The following TJP3 variants were observed in gnomAD, a reference collection of about 807,000 sequenced individuals.
TJP3 encodes tight junction protein ZO-3.
TJP3 carries 85 observed loss-of-function variants against 104.2 expected under a neutral mutation model. The observed-to-expected ratio is 0.82, with a 90% confidence interval of 0.68 to 0.98. TJP3 has a LOEUF of 0.98. TJP3 is among the 50% of genes least tolerant of loss of function. TJP3 has a pLI of 0.00. For missense variants in TJP3, 1,367 were observed against 1,322.8 expected (o/e 1.03, Z -0.52); for synonymous variants, 550 against 550.6 (o/e 1.00, Z 0.02).
rs1312680311 is a variant in TJP3 at position 3,718,211 on chromosome 19, AAGTGTGT to A, written c.-10+9651_-10+9657del. ...CAACTCAAAAAAAAAAAAAAAAAAA[AAGTGTGT>A]GTGTGTGTGTGTGTGTGTGTGTGTG... On this transcript the variant is annotated intron_variant, in intron 1 of 20. Transcript: ENST00000541714. Among the ~76,000 whole-genome samples the A allele has an allele frequency of 4.3e-3, 253 of 59,314 alleles. 1 individual carries two copies. Among genetic ancestry groups the A allele is most frequent in the Middle Eastern group, 0.014 (1 of 72 alleles). The allele number at this position is 59,314 out of a possible 152,430, so 38.9% of individuals were successfully genotyped here.
intron 14 of TJP3, among the ~76,000 whole-genome samples, chr19:3,742,839 G>A (rs1385760014): frequency 2.0e-5 from 3 of 151,408 alleles, no homozygotes; most frequent in South Asian, 2.1e-4. Context: ...GGTGGTGGGC[G>A]CCTCTAATCC....
chr19:3,712,734 A>G (rs2036444300), intron 1 of TJP3, among the ~76,000 whole-genome samples: 1 of 152,064 alleles, frequency 6.6e-6, no homozygotes, highest in Admixed American at 6.6e-5. Context: ...GGATCGCATG[A>G]GCCCAGCAGT....
At chr19:3,726,135 G>A (rs1392116512) in intron 1 of TJP3, among the ~76,000 whole-genome samples, 2 of 152,228 alleles carry the variant, frequency 1.3e-5, no homozygotes, top group African/African-American at 2.4e-5. Context: ...AACCCGCCCC[G>A]GGGAGGAGGA....
In TJP3 at chr19:3,736,229, G is replaced by A. The variant is rs966427175; in HGVS notation, c.1192G>A (p.Gly398Arg). The change falls in exon 11 of 21, where the codon GGG (glycine) becomes AGG (arginine). Residue 398 changes from glycine to arginine, a missense_variant. Coordinates refer to ENST00000541714, the MANE Select transcript of TJP3 (RefSeq NM_001267560.2). ...CAAGAGCATCGGGCTGCGGCTGGCA[G>A]GGGGCAATGACGTGGGCATCTTCGT... ...KGKSIGLRLA[G>R]GNDVGIFVSG... 2 of 1,592,080 alleles carry A rather than the reference G, an allele frequency of 1.3e-6. No individual in the cohort carries two copies. Among genetic ancestry groups the A allele is most frequent in the South Asian group, 2.3e-5 (2 of 88,382 alleles).
chr19:3,746,898 G>GGGGGGT lies in TJP3; in HGVS notation c.2322+22_2322+23insGGGGGT. The GGGGGGT allele has an allele frequency of 6.5e-7, 1 of 1,530,024 alleles. No individual in the cohort carries two copies. 94.8% of individuals were successfully genotyped at this position (1,530,024 alleles called of 1,614,324 possible). A position where few individuals can be genotyped will look rare whatever the true frequency, so the allele number is the denominator to read the frequency against. The stretch of plus-strand genomic sequence containing the variant: ...TCAGGTACTGCCGCGGTGTGGGTGG[G>GGGGGGT]TCGGGCAGGGAGGCCCCACAGACGC... On this transcript the variant is annotated intron_variant, in intron 18 of 20. Coordinates refer to ENST00000541714, the MANE Select transcript of TJP3 (RefSeq NM_001267560.2). The surrounding 1 kb of genome is among the most constrained non-coding windows in gnomAD (Gnocchi z 4.1).
intron 6 of TJP3, among the ~76,000 whole-genome samples, chr19:3,732,540 C>T (rs2036684913): frequency 6.6e-6 from 1 of 150,584 alleles, no homozygotes; most frequent in South Asian, 2.1e-4. Context: ...GACAGAGTCT[C>T]GCTCTGTCAC....
chr19:3,735,517 G>A (rs770230098), intron 8 of TJP3, 49 bp from the exon 9 acceptor site: 2 of 1,588,592 alleles, frequency 1.3e-6, no homozygotes, highest in African/African-American at 1.3e-5. Context: ...TTTTTAAAAT[G>A]GCCCCTTGAA....
chr19:3,720,863 GTTCC>G lies in TJP3; in HGVS notation c.-9-7548_-9-7545del, dbSNP rs1031691214. 1.6e-4 allele frequency among the ~76,000 whole-genome samples: 23 copies of G among 142,650 alleles called. No homozygotes were observed. The Admixed American group carries it at 1.6e-3, about 10-fold the overall frequency. 93.6% of individuals were successfully genotyped at this position (142,650 alleles called of 152,430 possible). A position where few individuals can be genotyped will look rare whatever the true frequency, so the allele number is the denominator to read the frequency against. On this transcript the variant is annotated intron_variant, in intron 1 of 20. Coordinates refer to ENST00000541714, the MANE Select transcript of TJP3 (RefSeq NM_001267560.2). ...GCACTCTGCCCCTTTCTTTTCCTTC[GTTCC>G]TTCCTTCCTTCCCTTCTTTCCTTCC...
At chr19:3,710,356 C>A (rs946196838) in intron 1 of TJP3, among the ~76,000 whole-genome samples, 15 of 152,066 alleles carry the variant, frequency 9.9e-5, no homozygotes, top group Non-Finnish European at 1.6e-4. Flanking sequence ...CCGCTTACCC[C>A]GGGCCGCACA....
At chr19:3,739,711 G>A (rs1031949082) in intron 13 of TJP3, among the ~76,000 whole-genome samples, 1 of 152,098 alleles carries the variant, frequency 6.6e-6, no homozygotes, top group Non-Finnish European at 1.5e-5. Context: ...GGCAGGCCTG[G>A]GCCCTCCCAG....
chr19:3,740,394 C>A (rs1475596887), intron 13 of TJP3, among the ~76,000 whole-genome samples, 158 bp from the exon 14 acceptor site: 2 of 152,038 alleles, frequency 1.3e-5, no homozygotes, highest in Admixed American at 1.3e-4. Context: ...TCTCAAAAAA[C>A]CCAAAATAAT....
chr19:3,750,436 T>C, intron 20 of TJP3, 146 bp from the exon 21 acceptor site: 1 of 793,600 alleles, frequency 1.3e-6, no homozygotes, highest in Non-Finnish European at 2.0e-6. Flanking sequence ...TGCATAGGAG[T>C]TTGTTAACAA....
At position 3,740,722 on chromosome 19, in the gene TJP3, A is replaced by T; in HGVS notation, c.1802A>T (p.Gln601Leu). 6.2e-7 allele frequency: 1 copy of T among 1,600,430 alleles called. No individual in the cohort carries two copies. Among genetic ancestry groups the T allele is most frequent in the East Asian group, 2.3e-5 (1 of 44,110 alleles). The change falls in exon 14 of 21, where the codon CAG (glutamine) becomes CTG (leucine). Residue 601 changes from glutamine to leucine, a missense_variant. Transcript: ENST00000541714. The stretch of plus-strand genomic sequence containing the variant: ...GAGGACCTCTCAGCTCTGACCCGAC[A>T]GGGCCGCTACCCGCCCTACGAACGA... ...SREDLSALTR[Q>L]GRYPPYERVV...
At position 3,716,801 on chromosome 19, in the gene TJP3, A is replaced by ATATATTT. The variant is rs1421328174; in HGVS notation, c.-10+8241_-10+8242insATATTTT. On this transcript the variant is annotated intron_variant, in intron 1 of 20. Coordinates refer to ENST00000541714, the MANE Select transcript of TJP3 (RefSeq NM_001267560.2). The stretch of plus-strand genomic sequence containing the variant: ...CATACATATATATATATATATATAT[A>ATATATTT]TTTTTTTTTTTTTTTTGAAACAGAG... 6.9e-3 allele frequency among the ~76,000 whole-genome samples: 565 copies of ATATATTT among 81,874 alleles called. 12 individuals are homozygous for ATATATTT. The highest frequency in any genetic ancestry group is 0.027 in the African/African-American group (545 of 20,362). The allele number at this position is 81,874 out of a possible 152,430, so 53.7% of individuals were successfully genotyped here.
At chr19:3,716,506 TCA>T (rs1491144229) in intron 1 of TJP3, among the ~76,000 whole-genome samples, 1 of 148,228 alleles carries the variant, frequency 6.7e-6, no homozygotes, top group Non-Finnish European at 1.5e-5. Flanking sequence ...CCATCTGGCC[TCA>T]GTTTTCTCAG....
At chr19:3,735,222 C>G (rs992199211) in intron 8 of TJP3, among the ~76,000 whole-genome samples, 1 of 151,826 alleles carries the variant, frequency 6.6e-6, no homozygotes, top group Admixed American at 6.6e-5. Flanking sequence ...TTTTTGGAGA[C>G]AAGGTCTCAC....
chr19:3,750,067 AG>A (rs2036969768), intron 19 of TJP3, 70 bp from the exon 20 acceptor site: 25 of 1,596,920 alleles, frequency 1.6e-5, no homozygotes, highest in Non-Finnish European at 2.1e-5. Flanking sequence ...GATGGGATGG[AG>A]GTGGTTATTG....
At position 3,750,630 on chromosome 19, in the gene TJP3, T is replaced by A. The variant is rs1328960289; in HGVS notation, c.2706T>A (p.Asp902Glu). ...ALKKKFMRVH[D>E]AESSDEDGYD... ...AGAAAAAGTTTATGCGAGTACATGA[T>A]GCGGAGTCCTCCGATGAAGACGGCT... is the stretch of plus-strand genomic sequence containing the variant. The change falls in exon 21 of 21, where the codon GAT becomes GAA. Residue 902 changes from aspartate (D) to glutamate (E), a missense_variant. By Grantham distance (45) the Asp-to-Glu change is conservative. Transcript: ENST00000541714. 6.2e-7 allele frequency: 1 copy of A among 1,608,944 alleles called. No individual in the cohort carries two copies. Among genetic ancestry groups the A allele is most frequent in the Admixed American group, 1.7e-5 (1 of 59,172 alleles).
chr19:3,740,457 G>T (rs1436645718), intron 13 of TJP3, 95 bp from the exon 14 acceptor site: 163 of 664,486 alleles, frequency 2.5e-4, no homozygotes, highest in Non-Finnish European at 6.6e-6. Context: ...ATACAAAGTG[G>T]CCTGTCCACA....
Sources: gnomAD v4.1 joint callset for allele counts (sites outside exome capture counted in the v4.1 genomes callset) on GRCh38, gnomAD v4.1.1 for gene constraint, Gnocchi (gnomAD v3.1) non-coding constraint, MANE v1.5 for transcripts, NCBI Gene and HGNC (gene_info 2026-07-23, HGNC 2026-07-21) for gene names.